The following NAV3 variants were observed in gnomAD, a reference collection of about 807,000 sequenced individuals.
NAV3 encodes neuron navigator 3.
NAV3 carries 87 observed loss-of-function variants against 244.7 expected under a neutral mutation model. The observed-to-expected ratio is 0.36, with a 90% confidence interval of 0.30 to 0.42. The LOEUF is 0.42. NAV3 is among the 20% of genes least tolerant of loss of function. The pLI is 1.00. For missense variants in NAV3, 2,663 were observed against 2,893.3 expected (o/e 0.92, Z 1.83); for synonymous variants, 1,126 against 1,042.2 (o/e 1.08, Z -1.55).
At chr12:77,702,158 G>A (rs568945253) in intron 2 of NAV3, among the ~76,000 whole-genome samples, 2 of 152,020 alleles carry the variant, frequency 1.3e-5, no homozygotes, top group Admixed American at 1.3e-4. Context: ...GCATACACAC[G>A]TGGGATTTTT....
chr12:78,194,359 C>G (rs766944178), intron 34 of NAV3, among the ~76,000 whole-genome samples: 1 of 152,040 alleles, frequency 6.6e-6, no homozygotes, highest in East Asian at 1.9e-4. Context: ...ACTTGATACA[C>G]GATTTCCTTT....
chr12:78,143,307 C>G (rs1956707181), intron 20 of NAV3: 10 of 451,806 alleles, frequency 2.2e-5, no homozygotes, highest in South Asian at 1.2e-4. Flanking sequence ...GAGGTGTTAC[C>G]TTTGGCAAAC....
intron 2 of NAV3, among the ~76,000 whole-genome samples, chr12:77,750,248 G>A (rs1868777159): frequency 6.6e-6 from 1 of 152,162 alleles, no homozygotes; most frequent in South Asian, 2.1e-4. Context: ...AGCTACTCCG[G>A]AGGCTGATGC....
At chr12:77,833,858 T>C (rs1423001341) in intron 1 of NAV3, among the ~76,000 whole-genome samples, 1 of 152,170 alleles carries the variant, frequency 6.6e-6, no homozygotes, top group Non-Finnish European at 1.5e-5. Flanking sequence ...GACTCTCCTC[T>C]GACCTCCCTG....
At chr12:77,871,723 T>C (rs2136460908) in intron 1 of NAV3, among the ~76,000 whole-genome samples, 1 of 152,358 alleles carries the variant, frequency 6.6e-6, no homozygotes, top group African/African-American at 2.4e-5. Flanking sequence ...GTCTTTGCTA[T>C]TGTGAACAGT....
At chr12:77,829,809 T>A (rs1265856232), upstream of NAV3, among the ~76,000 whole-genome samples, 1 of 152,168 alleles carries the variant, frequency 6.6e-6, no homozygotes, top group Non-Finnish European at 1.5e-5. Flanking sequence ...GCTTCTTAGA[T>A]AAAAGTACGT....
chr12:77,748,147 A>T (rs970292182), intron 2 of NAV3, among the ~76,000 whole-genome samples: 5 of 152,260 alleles, frequency 3.3e-5, no homozygotes, highest in Non-Finnish European at 7.3e-5. Context: ...TTTTGATATC[A>T]TAGAAGAGCA....
chr12:78,143,429 G>A (rs902263248), intron 20 of NAV3: 7 of 429,770 alleles, frequency 1.6e-5, no homozygotes, highest in Middle Eastern at 3.6e-4. Context: ...TCAGGAGTTC[G>A]AGACCAGCCT....
intron 2 of NAV3, among the ~76,000 whole-genome samples, chr12:77,733,061 T>A (rs544398241): frequency 2.6e-5 from 4 of 152,124 alleles, no homozygotes; most frequent in African/African-American, 7.2e-5. Context: ...ATAATATGAT[T>A]GATTTTTTTT....
intron 2 of NAV3, among the ~76,000 whole-genome samples, chr12:77,616,847 T>G (rs1871161772): frequency 6.6e-6 from 1 of 152,118 alleles, no homozygotes; most frequent in Non-Finnish European, 1.5e-5. Context: ...CTGCAGAAAA[T>G]CTCAACAACT....
chr12:78,060,333 A>G (rs1295690233), intron 12 of NAV3, among the ~76,000 whole-genome samples: 1 of 152,124 alleles, frequency 6.6e-6, no homozygotes, highest in South Asian at 2.1e-4. Flanking sequence ...GAATTCTAAT[A>G]TTAGTCTTCA....
At chr12:77,947,141 G>A (rs1248982933) in intron 3 of NAV3, among the ~76,000 whole-genome samples, 1 of 151,852 alleles carries the variant, frequency 6.6e-6, no homozygotes, top group Non-Finnish European at 1.5e-5. Flanking sequence ...TTAAATCCTA[G>A]TAGCTGGAAA....
At chr12:78,162,166 T>G (rs1387071255) in intron 23 of NAV3, among the ~76,000 whole-genome samples, 1 of 152,122 alleles carries the variant, frequency 6.6e-6, no homozygotes, top group East Asian at 1.9e-4. Context: ...GGGCATAACA[T>G]TTAATCATAT....
In NAV3 at chr12:78,007,333, A is replaced by G. The variant is rs775614476; in HGVS notation, c.1795A>G (p.Met599Val). 6.8e-6 allele frequency: 11 copies of G among 1,614,192 alleles called. No individual in the cohort carries two copies. In the East Asian group the frequency reaches 2.2e-4, roughly 33 times the overall value. The change falls in exon 8 of 40, where the codon ATG becomes GTG. Residue 599 changes from methionine (M) to valine (V), a missense_variant. Met to Val is a conservative substitution (Grantham distance 21). Transcript: ENST00000397909. ...GQASPSGSCT[M>V]TVAQSSGQST... ...AGCTTCTCCTTCTGGTTCCTGTACC[A>G]TGACAGTGGCACAAAGCAGTGGGCA... is the stretch of plus-strand genomic sequence containing the variant.
chr12:77,962,017 C>T (rs1266172021), intron 3 of NAV3, among the ~76,000 whole-genome samples: 3 of 151,934 alleles, frequency 2.0e-5, no homozygotes, highest in African/African-American at 7.3e-5. Flanking sequence ...TAGCTCTTGT[C>T]GTACATGACT....
chr12:77,723,617 G>A (rs2137305896), intron 2 of NAV3, among the ~76,000 whole-genome samples: 1 of 152,034 alleles, frequency 6.6e-6, no homozygotes, highest in African/African-American at 2.4e-5. Context: ...CCAGAAATCT[G>A]GGTGCAGAGC....
At chr12:78,080,076 AATCTT>A (rs1953269243) in intron 12 of NAV3, among the ~76,000 whole-genome samples, 1 of 152,196 alleles carries the variant, frequency 6.6e-6, no homozygotes, top group African/African-American at 2.4e-5. Context: ...TTGACAATAA[AATCTT>A]AAATTATAGC....
chr12:78,181,521 A>G (rs1958497555), intron 30 of NAV3, among the ~76,000 whole-genome samples: 1 of 152,062 alleles, frequency 6.6e-6, no homozygotes, highest in Non-Finnish European at 1.5e-5. Context: ...TCCAACAAAG[A>G]TAAAGAACAC....
At chr12:77,709,106 G>C (rs545823624) in intron 2 of NAV3, among the ~76,000 whole-genome samples, 8 of 152,228 alleles carry the variant, frequency 5.3e-5, no homozygotes, top group Admixed American at 5.2e-4. Flanking sequence ...TATCCACCAT[G>C]ATCAAGTGGG....
Sources: allele counts gnomAD v4.1 joint callset (sites outside exome capture counted in the v4.1 genomes callset), GRCh38; gene constraint gnomAD v4.1.1; transcripts MANE v1.5; gene names NCBI Gene and HGNC (gene_info 2026-07-23, HGNC 2026-07-21).